Variants in PDE4D observed in about 807,000 individuals in gnomAD.
PDE4D encodes the protein 3',5'-cyclic-AMP phosphodiesterase 4D.
In PDE4D, 24 loss-of-function variants were observed where a neutral mutation model predicts 87.4. The ratio of observed to expected loss-of-function variants is 0.27; its 90% CI spans 0.20 to 0.39. The LOEUF (loss-of-function observed/expected upper bound fraction) is 0.39, where lower values mean the gene tolerates loss of function less well. Ranked by LOEUF, PDE4D falls within the 10% of genes least tolerant of loss-of-function variation. The pLI is 1.00. For synonymous variants in PDE4D, 384 were observed against 383.2 expected (o/e 1.00, Z -0.02); for missense variants, 714 against 1,041.0 (o/e 0.69, Z 4.32).
rs1271072783 is a variant in PDE4D, at chr5:59,985,130, TGTTTTTTG to T, written c.272+3350_272+3357del. 4.1e-4 allele frequency among the ~76,000 whole-genome samples: 45 copies of T among 109,106 alleles called. 10 individuals carry two copies. Among genetic ancestry groups the T allele is most frequent in the South Asian group, 2.3e-3 (6 of 2,632 alleles). 71.6% of individuals were successfully genotyped at this position (109,106 alleles called of 152,430 possible). ...AGCCCGAACTTCACCTTTCGTTTTT[TGTTTTTTG>T]TTTTTTGTTTTTTATTTTGAGACAG... On this transcript the variant is annotated intron_variant, in intron 3 of 16. Transcript: ENST00000502484.
intron 1 of PDE4D, among the ~76,000 whole-genome samples, chr5:59,579,430 A>T (rs1401791511): frequency 6.6e-6 from 1 of 152,216 alleles, no homozygotes; most frequent in Non-Finnish European, 1.5e-5. Flanking sequence ...TGGCAATTGG[A>T]TCTGATTTCA....
chr5:60,074,337 G>A (rs1773056436), intron 2 of PDE4D, among the ~76,000 whole-genome samples: 2 of 152,142 alleles, frequency 1.3e-5, no homozygotes, highest in South Asian at 2.1e-4. Context: ...GTATGGTTCT[G>A]AGCAATTTTC....
At chr5:59,346,339 T>C (rs1399436296) in intron 1 of PDE4D, among the ~76,000 whole-genome samples, 2 of 152,126 alleles carry the variant, frequency 1.3e-5, no homozygotes, top group South Asian at 2.1e-4. Flanking sequence ...TTATACCAAA[T>C]AGATCCTTGC....
intron 2 of PDE4D, among the ~76,000 whole-genome samples, chr5:60,118,880 T>G (rs1225687002): frequency 6.6e-6 from 1 of 152,016 alleles, no homozygotes; most frequent in East Asian, 1.9e-4. Flanking sequence ...CCCAGGATAT[T>G]ATAACATGTT....
At chr5:60,287,861 C>T (rs1752549964) in intron 1 of PDE4D, among the ~76,000 whole-genome samples, 1 of 152,110 alleles carries the variant, frequency 6.6e-6, no homozygotes, top group Admixed American at 6.6e-5. Context: ...TATTTGTGTA[C>T]ATTTGTTTTT....
At chr5:60,467,008 G>A (rs1206322860) in intron 1 of PDE4D, among the ~76,000 whole-genome samples, 1 of 150,860 alleles carries the variant, frequency 6.6e-6, no homozygotes, top group Admixed American at 6.6e-5. Flanking sequence ...GATCTGCACT[G>A]GAATTTTAAA....
chr5:60,391,330 G>A (rs1010042187), intron 1 of PDE4D, among the ~76,000 whole-genome samples: 4 of 152,184 alleles, frequency 2.6e-5, no homozygotes, highest in Non-Finnish European at 5.9e-5. Context: ...CCACCCCGCA[G>A]ATTAGTTTCC....
chr5:60,420,008 G>T (rs1742952359), intron 1 of PDE4D, among the ~76,000 whole-genome samples: 1 of 152,216 alleles, frequency 6.6e-6, no homozygotes, highest in East Asian at 1.9e-4. Context: ...CCCAGACATG[G>T]GACAAATCTG....
intron 1 of PDE4D, among the ~76,000 whole-genome samples, chr5:60,193,669 C>CAAAAAAAAAA (rs35340734): frequency 1.0e-3 from 48 of 46,398 alleles, no homozygotes; most frequent in African/African-American, 1.9e-3. Flanking sequence ...GACTCCGTCT[C>CAAAAAAAAAA]AAAAAAAAAA....
chr5:59,522,896 C>T (rs7728286), intron 1 of PDE4D, among the ~76,000 whole-genome samples: 63,481 of 152,024 alleles, frequency 0.42, 14,920 homozygotes, highest in African/African-American at 0.64. Context: ...AAGTTGTATA[C>T]ACCATTTAGA....
At position 59,404,827 on chromosome 5, in the gene PDE4D, T is replaced by C. The variant is rs116236287; in HGVS notation, c.456-188859A>G. On this transcript the variant is annotated intron_variant, in intron 1 of 14. Transcript: ENST00000340635. ...AGATAGAAGTCTAGTTTCATTCTTC[T>C]GCATATAGATATCCAGTTTTCCCAG... Among the ~76,000 whole-genome samples the C allele has an allele frequency of 8.8e-3, 1,345 of 152,360 alleles. 26 individuals carry two copies. Among genetic ancestry groups the C allele is most frequent in the African/African-American group, 0.031 (1,288 of 41,584 alleles).
At chr5:59,078,759 C>G (rs938549014) in intron 5 of PDE4D, among the ~76,000 whole-genome samples, 1 of 152,126 alleles carries the variant, frequency 6.6e-6, no homozygotes, top group Non-Finnish European at 1.5e-5. Flanking sequence ...AAGTGATCCA[C>G]CCACCTCAGC....
At position 59,428,738 on chromosome 5, in the gene PDE4D, A is replaced by G. The variant is rs1271256466; in HGVS notation, c.456-212770T>C. Among the ~76,000 whole-genome samples the G allele has an allele frequency of 2.0e-5, 3 of 151,962 alleles. 1 individual carries two copies. The highest frequency in any genetic ancestry group is 2.9e-5 in the Non-Finnish European group (2 of 67,948). ...TGGATGTTCTTCCATTCATTCATCCACCCCTCTAACTATTGTTTTCATTAC... is the reference window on the plus strand; with the variant it reads ...TGGATGTTCTTCCATTCATTCATCCGCCCCTCTAACTATTGTTTTCATTAC... On this transcript the variant is annotated intron_variant, in intron 1 of 14. Coordinates refer to ENST00000340635, the MANE Select transcript of PDE4D (RefSeq NM_001104631.2).
intron 1 of PDE4D, among the ~76,000 whole-genome samples, chr5:60,263,899 T>C (rs552733460): frequency 6.7e-5 from 10 of 149,530 alleles, no homozygotes; most frequent in Non-Finnish European, 1.2e-4. Context: ...TGTGAAAAAA[T>C]AATAAACTAA....
At chr5:59,003,107 T>G (rs763435180) in intron 6 of PDE4D, among the ~76,000 whole-genome samples, 1 of 152,224 alleles carries the variant, frequency 6.6e-6, no homozygotes, top group African/African-American at 2.4e-5. Flanking sequence ...ATGCTGTAAT[T>G]GCTTCTTAGC....
At chr5:58,976,310 C>G (rs1580028342) in intron 13 of PDE4D, 40 bp downstream of exon 13, 2 of 1,604,100 alleles carry the variant, frequency 1.2e-6, no homozygotes, top group Non-Finnish European at 8.5e-7. Context: ...CACATGTGCA[C>G]AGACACACAC....
chr5:60,027,050 C>T (rs989998856), intron 2 of PDE4D, among the ~76,000 whole-genome samples: 27 of 152,224 alleles, frequency 1.8e-4, no homozygotes, highest in Admixed American at 3.9e-4. Flanking sequence ...CTCATTCCCC[C>T]GCCATTTTTT....
chr5:59,287,304 G>T (rs888089284), intron 1 of PDE4D, among the ~76,000 whole-genome samples: 2 of 152,096 alleles, frequency 1.3e-5, no homozygotes, highest in African/African-American at 4.8e-5. Flanking sequence ...GGGCAGTGGT[G>T]GCCACAGGGA....
intron 1 of PDE4D, among the ~76,000 whole-genome samples, chr5:60,334,661 C>T (rs773510182): frequency 1.8e-4 from 28 of 152,102 alleles, no homozygotes; most frequent in Non-Finnish European, 2.9e-4. Flanking sequence ...CCAGCACACT[C>T]AAGCCACTGC....
Sources: allele counts gnomAD v4.1 joint callset (sites outside exome capture counted in the v4.1 genomes callset), GRCh38; gene constraint gnomAD v4.1.1; transcripts MANE v1.5; gene names NCBI Gene and HGNC (gene_info 2026-07-23, HGNC 2026-07-21).